MID1: variants seen among roughly 807,000 people sequenced by gnomAD.
The protein encoded by MID1 is E3 ubiquitin-protein ligase Midline-1.
MID1 carries 7 observed loss-of-function variants against 40.4 expected under a neutral mutation model. The ratio of observed to expected loss-of-function variants is 0.17; its 90% confidence interval spans 0.10 to 0.33. MID1 has a LOEUF of 0.33. Among genes scored for constraint, MID1 ranks in the 10% least tolerant of loss-of-function variants. MID1 has a pLI of 1.00. For missense variants in MID1, 367 were observed against 558.5 expected (o/e 0.66, Z 3.46); for synonymous variants, 229 against 221.2 (o/e 1.04, Z -0.31).
chrX:10,538,747 T>C (rs1229070620), intron 2 of MID1, among the ~76,000 whole-genome samples: 1 of 112,071 alleles, frequency 8.9e-6, no homozygotes, highest in Admixed American at 9.5e-5. Flanking sequence ...AACTAGTATT[T>C]TGTTGTTGTT....
intron 1 of MID1, among the ~76,000 whole-genome samples, chrX:10,708,337 G>A (rs1273674620): frequency 1.3e-4 from 15 of 111,809 alleles, no homozygotes; most frequent in Non-Finnish European, 5.6e-5. Flanking sequence ...AACCAGTTAA[G>A]TAAAAAAGAA....
intron 9 of MID1, among the ~76,000 whole-genome samples, chrX:10,453,257 G>A (rs1169351404): frequency 8.9e-6 from 1 of 111,768 alleles, no homozygotes; most frequent in Non-Finnish European, 1.9e-5. Flanking sequence ...TCACTTCTTA[G>A]ATTTTTGGCT....
chrX:10,746,704 A>T (rs1335228250), intron 1 of MID1, among the ~76,000 whole-genome samples: 2 of 110,334 alleles, frequency 1.8e-5, no homozygotes. Context: ...CTGTTCCTCC[A>T]CTTGTCTTAT....
rs1197401704 is a variant in MID1, at chrX:10,445,574, GATTTT to G, written c.*3789_*3793del. On this transcript the variant is annotated 3_prime_UTR_variant, in exon 10 of 10. Coordinates refer to ENST00000317552, the MANE Select transcript of MID1 (RefSeq NM_000381.4). ...CAGAGGGTCTTGGTGCCACAAAAAT[GATTTT>G]ATTTTGAACCAGAAAGGAACAGCAA... is the stretch of plus-strand genomic sequence containing the variant. 2 of 111,938 alleles carry G rather than the reference GATTTT, an allele frequency of 1.8e-5. No homozygotes were observed. Among genetic ancestry groups the G allele is most frequent in the Non-Finnish European group, 3.8e-5 (2 of 53,177 alleles). 9.2% of individuals were successfully genotyped at this position (111,938 alleles called of 1,213,427 possible).
chrX:10,516,412 T>G (rs1403160907), intron 3 of MID1, among the ~76,000 whole-genome samples: 1 of 109,556 alleles, frequency 9.1e-6, no homozygotes, highest in Non-Finnish European at 1.9e-5. Flanking sequence ...GCCAGGATGG[T>G]CTCGATCTCC....
intron 1 of MID1, among the ~76,000 whole-genome samples, chrX:10,736,027 T>C (rs372855455): frequency 1.4e-4 from 16 of 112,640 alleles, no homozygotes; most frequent in Admixed American, 1.1e-3. Context: ...GTATATTAAT[T>C]CAAATCAGTT....
At chrX:10,563,220 G>A (rs34820028) in intron 2 of MID1, among the ~76,000 whole-genome samples, 1,814 of 111,800 alleles carry the variant, frequency 0.016, 12 homozygotes, top group Non-Finnish European at 0.024. Flanking sequence ...GGGATGATCC[G>A]TTGAAACATG....
At chrX:10,579,428 A>G (rs778048643) in intron 1 of MID1, among the ~76,000 whole-genome samples, 1 of 112,131 alleles carries the variant, frequency 8.9e-6, no homozygotes, top group Admixed American at 9.5e-5. Flanking sequence ...ATGATGGCCA[A>G]TGCAACATTT....
intron 1 of MID1, among the ~76,000 whole-genome samples, chrX:10,662,892 G>A (rs950237410): frequency 9.0e-6 from 1 of 111,455 alleles, no homozygotes; most frequent in East Asian, 2.8e-4. Flanking sequence ...CTTGCTCAGA[G>A]TACTTCATTC....
At chrX:10,624,723 ACCTCAGCCTC>A (rs1191333949), upstream of MID1, among the ~76,000 whole-genome samples, 1 of 111,891 alleles carries the variant, frequency 8.9e-6, no homozygotes, top group Non-Finnish European at 1.9e-5. Context: ...TGATTCTCCC[ACCTCAGCCTC>A]CTGAGTAGCT....
intron 1 of MID1, among the ~76,000 whole-genome samples, chrX:10,657,781 C>T (rs2042884792): frequency 8.9e-6 from 1 of 112,281 alleles, no homozygotes; most frequent in Non-Finnish European, 1.9e-5. Flanking sequence ...AGATAACCAG[C>T]GGGACTTCCA....
intron 1 of MID1, among the ~76,000 whole-genome samples, chrX:10,618,953 G>C (rs1163769043): frequency 8.9e-6 from 1 of 111,939 alleles, no homozygotes; most frequent in African/African-American, 3.3e-5. Context: ...CACTTTAGTA[G>C]ACATTAAAAG....
rs561284568 is a variant in MID1 at position 10,656,018 on chromosome X, A to G, written c.-186-35599T>C. Among the ~76,000 whole-genome samples the G allele has an allele frequency of 6.2e-5, 7 of 112,075 alleles. No individual in the cohort carries two copies. The East Asian group carries it at 1.7e-3, about 27-fold the overall frequency. On this transcript the variant is annotated intron_variant, in intron 1 of 10. Transcript: ENST00000380785. The stretch of plus-strand genomic sequence containing the variant: ...TTGTTTTAAGCCACTAAATTTTATG[A>G]TGGTTTGTTATGCAGCGCTGGATAA...
chrX:10,481,834 G>A (rs1013192749), intron 5 of MID1, among the ~76,000 whole-genome samples: 3 of 112,222 alleles, frequency 2.7e-5, no homozygotes, highest in Non-Finnish European at 3.8e-5. Context: ...TATGTGTGCC[G>A]AAAAAATACT....
At chrX:10,527,832 C>A (rs1943364513) in intron 2 of MID1, among the ~76,000 whole-genome samples, 1 of 111,546 alleles carries the variant, frequency 9.0e-6, no homozygotes, top group African/African-American at 3.3e-5. Flanking sequence ...ACAGCAACAA[C>A]CTGCTCATTA....
At chrX:10,759,171 T>G (rs1245932468) in intron 1 of MID1, among the ~76,000 whole-genome samples, 2 of 112,207 alleles carry the variant, frequency 1.8e-5, no homozygotes, top group Non-Finnish European at 3.8e-5. Context: ...AATTTCACTT[T>G]GGAGATTTGT....
At chrX:10,634,018 A>AG (rs199997171) in intron 1 of MID1, among the ~76,000 whole-genome samples, 1,161 of 111,110 alleles carry the variant, frequency 0.01, 22 homozygotes, top group African/African-American at 0.036. Flanking sequence ...AGACAGAGAG[A>AG]AAGTCTCTTG....
At chrX:10,805,401 C>T (rs1397723052) in intron 1 of MID1, among the ~76,000 whole-genome samples, 3 of 108,048 alleles carry the variant, frequency 2.8e-5, no homozygotes, top group Non-Finnish European at 5.7e-5. Flanking sequence ...GACATGAACT[C>T]ATCCTTTTTT....
chrX:10,831,743 C>A (rs906776117), intron 1 of MID1, among the ~76,000 whole-genome samples: 1 of 111,861 alleles, frequency 8.9e-6, no homozygotes, highest in East Asian at 2.8e-4. Flanking sequence ...AAGGATAATT[C>A]TAAACATGAG....
Sources: gnomAD v4.1 joint callset for allele counts (sites outside exome capture counted in the v4.1 genomes callset) on GRCh38, gnomAD v4.1.1 for gene constraint, MANE v1.5 for transcripts, NCBI Gene and HGNC (gene_info 2026-07-23, HGNC 2026-07-21) for gene names.